Variants in LPP observed in about 807,000 individuals in gnomAD.
The protein encoded by LPP is lipoma-preferred partner.
LPP carries 38 observed loss-of-function variants against 60.4 expected under a neutral mutation model. That is an observed-to-expected ratio of 0.63 (90% CI 0.49 to 0.83). The LOEUF (loss-of-function observed/expected upper bound fraction) is 0.83. Among genes scored for constraint, LPP ranks in the 40% least tolerant of loss-of-function variants. The pLI is 0.00. For synonymous variants in LPP, 328 were observed against 290.8 expected (o/e 1.13, Z -1.30); for missense variants, 902 against 783.6 (o/e 1.15, Z -1.80).
chr3:188,353,679 G>A (rs1766635401), intron 3 of LPP, among the ~76,000 whole-genome samples: 1 of 152,154 alleles, frequency 6.6e-6, no homozygotes, highest in South Asian at 2.1e-4. Flanking sequence ...GTCTTTTTAT[G>A]TTGTAATCTG....
intron 9 of LPP, among the ~76,000 whole-genome samples, chr3:188,863,612 G>A (rs1319232160): frequency 1.3e-5 from 2 of 152,184 alleles, no homozygotes; most frequent in Non-Finnish European, 2.9e-5. Flanking sequence ...AGTAAAAGGC[G>A]CAGGCTGTCG....
chr3:188,524,637 G>T lies in LPP; in HGVS notation c.307-28G>T. Reference sequence around the variant, plus strand: ...AATGATATCAAGGGAAATTTCCTTTGTTAACATGTCTGTGTTGCTTCCAAC... The same window carrying T: ...AATGATATCAAGGGAAATTTCCTTTTTTAACATGTCTGTGTTGCTTCCAAC... On this transcript the variant is annotated intron_variant, in intron 5 of 11. Transcript: ENST00000617246. 4 of 1,591,888 alleles carry T rather than the reference G, an allele frequency of 2.5e-6. No homozygotes were observed. In the South Asian group the frequency reaches 4.5e-5, roughly 18 times the overall value.
intron 7 of LPP, among the ~76,000 whole-genome samples, chr3:188,650,365 C>T (rs951617872): frequency 5.3e-5 from 8 of 152,086 alleles, no homozygotes; most frequent in African/African-American, 1.9e-4. Flanking sequence ...ATCATTTATT[C>T]CCTGATTTAC....
At chr3:188,615,686 C>T (rs953590958) in intron 7 of LPP, among the ~76,000 whole-genome samples, 2 of 152,106 alleles carry the variant, frequency 1.3e-5, no homozygotes, top group Non-Finnish European at 2.9e-5. Flanking sequence ...TTTAAGGATG[C>T]ATTTAACCTG....
intron 4 of LPP, among the ~76,000 whole-genome samples, chr3:188,460,735 A>G (rs1052830668): frequency 7.9e-5 from 12 of 152,218 alleles, no homozygotes; most frequent in Admixed American, 7.9e-4. Context: ...CATGATCAAG[A>G]TATCTGAAAT....
intron 2 of LPP, among the ~76,000 whole-genome samples, chr3:188,313,157 G>A (rs1272419922): frequency 6.6e-6 from 1 of 151,496 alleles, no homozygotes; most frequent in Non-Finnish European, 1.5e-5. Context: ...AAAAGAATTT[G>A]CATCTATTTT....
At chr3:188,404,583 G>T (rs1408382397) in intron 3 of LPP, among the ~76,000 whole-genome samples, 1 of 152,108 alleles carries the variant, frequency 6.6e-6, no homozygotes, top group African/African-American at 2.4e-5. Context: ...GGCTCTAGAG[G>T]CGATGCCGTT....
intron 1 of LPP, among the ~76,000 whole-genome samples, chr3:188,213,718 C>T (rs530408871): frequency 1.2e-4 from 19 of 152,014 alleles, no homozygotes; most frequent in Non-Finnish European, 2.5e-4. Context: ...TGAATGCAAC[C>T]TTCTGCTCTC....
chr3:188,707,932 T>C (rs1865811121), intron 7 of LPP, among the ~76,000 whole-genome samples: 1 of 152,180 alleles, frequency 6.6e-6, no homozygotes, highest in Admixed American at 6.5e-5. Context: ...CACTGTAAGG[T>C]TCATAAGAAA....
intron 2 of LPP, among the ~76,000 whole-genome samples, chr3:188,324,552 G>A (rs1341231650): frequency 6.6e-6 from 1 of 152,196 alleles, no homozygotes; most frequent in African/African-American, 2.4e-5. Flanking sequence ...CAGAGTACAT[G>A]CTTGGCCAGT....
intron 11 of LPP, among the ~76,000 whole-genome samples, chr3:188,874,101 A>C (rs1768898655): frequency 6.6e-6 from 1 of 152,138 alleles, no homozygotes; most frequent in South Asian, 2.1e-4. Flanking sequence ...TTTCATATCA[A>C]GTGAGCTTAG....
intron 6 of LPP, among the ~76,000 whole-genome samples, chr3:188,595,160 T>A (rs1839744973): frequency 6.6e-6 from 1 of 152,038 alleles, no homozygotes; most frequent in Non-Finnish European, 1.5e-5. Context: ...TTCAATCAAA[T>A]CCCCTAATTT....
At chr3:188,218,629 A>G (rs1289349989) in intron 1 of LPP, among the ~76,000 whole-genome samples, 1 of 152,202 alleles carries the variant, frequency 6.6e-6, no homozygotes. Flanking sequence ...AATTTCTTTT[A>G]TATTACCTAT....
intron 2 of LPP, among the ~76,000 whole-genome samples, chr3:188,310,614 C>G (rs1036441430): frequency 1.3e-5 from 2 of 152,106 alleles, no homozygotes; most frequent in African/African-American, 2.4e-5. Context: ...TGGCCACCAC[C>G]TAATTATAGA....
chr3:188,727,846 T>G (rs2378442), intron 8 of LPP, among the ~76,000 whole-genome samples: 4 of 151,930 alleles, frequency 2.6e-5, no homozygotes, highest in African/African-American at 7.3e-5. Flanking sequence ...AGCCTAGATC[T>G]TCATAAGCCA....
intron 7 of LPP, among the ~76,000 whole-genome samples, chr3:188,619,716 T>C (rs1038797965): frequency 6.6e-6 from 1 of 152,220 alleles, no homozygotes; most frequent in Non-Finnish European, 1.5e-5. Context: ...TGGTCAAAAA[T>C]ATGGGAAGAA....
At chr3:188,340,060 G>A (rs1446747148) in intron 2 of LPP, among the ~76,000 whole-genome samples, 1 of 152,158 alleles carries the variant, frequency 6.6e-6, no homozygotes, top group Non-Finnish European at 1.5e-5. Context: ...CTATACACTC[G>A]GTTTCCCTTT....
At position 188,874,666 on chromosome 3, in the gene LPP, A is replaced by G; in HGVS notation, c.*187A>G. Reference sequence around the variant, plus strand: ...TTACCAAATACACATTTCACATTGAATCATGTAGGATCTTGATGGGCCTTT... The same window carrying G: ...TTACCAAATACACATTTCACATTGAGTCATGTAGGATCTTGATGGGCCTTT... On this transcript the variant is annotated 3_prime_UTR_variant, in exon 12 of 12. Transcript: ENST00000617246. The G allele has an allele frequency of 1.6e-6, 1 of 608,684 alleles. No homozygotes were observed. Among genetic ancestry groups the G allele is most frequent in the East Asian group, 2.8e-5 (1 of 35,214 alleles). The allele number at this position is 608,684 out of a possible 1,614,324, so 37.7% of individuals were successfully genotyped here. A position where few individuals can be genotyped will look rare whatever the true frequency, so the allele number is the denominator to read the frequency against.
At chr3:188,613,300 A>ATATC (rs377472905) in intron 7 of LPP, among the ~76,000 whole-genome samples, 15,834 of 146,230 alleles carry the variant, frequency 0.11, 917 homozygotes, top group Non-Finnish European at 0.13. Flanking sequence ...ATCTATATCT[A>ATATC]TATCTATATC....
Sources: gnomAD v4.1 joint callset for allele counts (sites outside exome capture counted in the v4.1 genomes callset) on GRCh38, gnomAD v4.1.1 for gene constraint, MANE v1.5 for transcripts, NCBI Gene and HGNC (gene_info 2026-07-23, HGNC 2026-07-21) for gene names.